PRAMEF11: variants seen among roughly 807,000 people sequenced by gnomAD.
The protein encoded by PRAMEF11 is PRAME family member 11.
A neutral mutation model predicts 33.6 loss-of-function variants in PRAMEF11; 17 were observed. The observed-to-expected ratio is 0.51, with a 90% CI of 0.35 to 0.76. The LOEUF is 0.76. Among genes scored for constraint, PRAMEF11 ranks in the 30% least tolerant of loss-of-function variants. PRAMEF11 has a pLI of 0.01. For synonymous variants in PRAMEF11, 205 were observed against 227.3 expected (o/e 0.90, Z 0.88); for missense variants, 568 against 567.0 (o/e 1.00, Z -0.02).
rs1335349562 is a variant in PRAMEF11 at position 12,826,917 on chromosome 1, C to T, written c.875+332G>A. On this transcript the variant is annotated intron_variant, in intron 3 of 3. Coordinates refer to ENST00000619922, the MANE Select transcript of PRAMEF11 (RefSeq NM_001146344.3). ...CTAGGATTACAGGCATGAGCCAACG[C>T]CCCTGGCCTATTTTTCATCATCTTA... Among the ~76,000 whole-genome samples the T allele has an allele frequency of 4.1e-4, 60 of 146,368 alleles. 1 individual carries two copies. Among genetic ancestry groups the T allele is most frequent in the Middle Eastern group, 3.6e-3 (1 of 274 alleles).
intron 1 of PRAMEF11, among the ~76,000 whole-genome samples, chr1:12,830,592 C>T (rs2100349067): frequency 6.6e-6 from 1 of 151,098 alleles, no homozygotes; most frequent in African/African-American, 2.4e-5. Context: ...GAGCATGGCT[C>T]ACTGCAGCCT....
intron 1 of PRAMEF11, among the ~76,000 whole-genome samples, chr1:12,829,545 T>C (rs1444757076): frequency 6.6e-6 from 1 of 151,238 alleles, no homozygotes; most frequent in African/African-American, 2.4e-5. Context: ...GGACCACAGT[T>C]ATGCATCACC....
Position 12,825,159 on chromosome 1 carries a change from A to C in PRAMEF11, c.1220T>G (p.Leu407Arg), listed in dbSNP as rs1639831041. Residue 407 changes from leucine (L) to arginine (R), a missense_variant, in exon 4 of 4, where the codon CTC becomes CGC. Transcript: ENST00000619922. ...LENLLSHTII[L>R]KNLCLELYPA... ...ATACAGCTCCAGGCATAAGTTTTTG[A>C]GTATGATTGTGTGGCTCAGCAGGTT... The C allele has an allele frequency of 6.2e-7, 1 of 1,608,848 alleles. No individual in the cohort carries two copies. Among genetic ancestry groups the C allele is most frequent in the African/African-American group, 1.3e-5 (1 of 74,754 alleles).
Position 12,827,487 on chromosome 1 carries a change from C to T in PRAMEF11, c.637G>A (p.Glu213Lys), listed in dbSNP as rs770263505. 1.6e-5 allele frequency: 26 copies of T among 1,611,142 alleles called. No individual in the cohort carries two copies. In the South Asian group the frequency reaches 2.9e-4, roughly 18 times the overall value. ...GGCAGTATCCACTTGCAATTCACTTCCACCTCCTGGATACAGTCTAGGTTC... is the reference window on the plus strand; with the variant it reads ...GGCAGTATCCACTTGCAATTCACTTTCACCTCCTGGATACAGTCTAGGTTC... ...MVNLDCIQEV[E>K]VNCKWILPIL... Residue 213 changes from glutamate to lysine, a missense_variant, in exon 3 of 4, where the codon GAA (glutamate) becomes AAA (lysine). Glu to Lys is a moderately conservative substitution (Grantham distance 56, BLOSUM62 1). This residue lies in a region of PRAMEF11 where 342 missense variants were observed against 312.0 expected (regional missense o/e 1.10). Coordinates refer to ENST00000619922, the MANE Select transcript of PRAMEF11 (RefSeq NM_001146344.3).
chr1:12,827,100 A>T, intron 3 of PRAMEF11, 149 bp downstream of exon 3: 1 of 1,499,664 alleles, frequency 6.7e-7, no homozygotes, highest in Non-Finnish European at 9.0e-7. Context: ...CCATTTCAGG[A>T]CAGGGCCGCC....
In PRAMEF11 at chr1:12,824,681, C is replaced by T. The variant is rs1438100898; in HGVS notation, c.*261G>A. On this transcript the variant is annotated 3_prime_UTR_variant, in exon 4 of 4. Transcript: ENST00000619922. ...TGCAAGAGTAACTCCCTCATGTATTCTCAAGCCTGAATTCCACTCTAGACA... is the reference window on the plus strand; with the variant it reads ...TGCAAGAGTAACTCCCTCATGTATTTTCAAGCCTGAATTCCACTCTAGACA... 2 of 505,564 alleles carry T rather than the reference C, an allele frequency of 4.0e-6. No individual in the cohort carries two copies. Among genetic ancestry groups the T allele is most frequent in the East Asian group, 7.6e-5 (2 of 26,382 alleles). 31.3% of individuals were successfully genotyped at this position (505,564 alleles called of 1,614,324 possible). A position where few individuals can be genotyped will look rare whatever the true frequency, so the allele number is the denominator to read the frequency against.
Position 12,827,754 on chromosome 1 carries a change from G to A in PRAMEF11, c.370C>T (p.His124Tyr), listed in dbSNP as rs760295445. ...CTCTTGGCATTGAGGAAGCACCCAT[G>A]GGCCATAGCTTCAGACCAAACCATC... is the stretch of plus-strand genomic sequence containing the variant. The part of the protein sequence containing the change: ...FWMVWSEAMA[H>Y]GCFLNAKRNK... Residue 124 changes from histidine to tyrosine, a missense_variant, in exon 3 of 4, where the codon CAT (histidine) becomes TAT (tyrosine). Coordinates refer to ENST00000619922, the MANE Select transcript of PRAMEF11 (RefSeq NM_001146344.3). 9 of 1,609,458 alleles carry A rather than the reference G, an allele frequency of 5.6e-6. No homozygotes were observed. In the East Asian group the frequency reaches 1.8e-4, roughly 32 times the overall value.
chr1:12,827,955 GT>G, intron 2 of PRAMEF11, 125 bp from the exon 3 acceptor site: 1 of 1,533,152 alleles, frequency 6.5e-7, no homozygotes, highest in East Asian at 2.3e-5. Flanking sequence ...TCTTCACCCT[GT>G]TTTCCCCTTG....
chr1:12,826,764 GA>G (rs1180348333), intron 3 of PRAMEF11, among the ~76,000 whole-genome samples: 1 of 149,090 alleles, frequency 6.7e-6, no homozygotes, highest in Non-Finnish European at 1.5e-5. Context: ...ATCCATCTCA[GA>G]AAAAAAAGTT....
chr1:12,828,849 A>C, intron 1 of PRAMEF11, 44 bp from the exon 2 acceptor site: 1 of 1,603,666 alleles, frequency 6.2e-7, no homozygotes, highest in South Asian at 1.1e-5. Context: ...CTCTCAGGCC[A>C]AGCCCATGCA....
chr1:12,826,212 T>A (rs1181566434), intron 3 of PRAMEF11, among the ~76,000 whole-genome samples: 1 of 151,058 alleles, frequency 6.6e-6, no homozygotes, highest in Non-Finnish European at 1.5e-5. Context: ...CACACCTGTA[T>A]CATCAGCAAA....
In PRAMEF11 at chr1:12,825,129, G is replaced by C. The variant is rs146964579; in HGVS notation, c.1250C>G (p.Ala417Gly). The C allele has an allele frequency of 6.2e-7, 1 of 1,609,318 alleles. No individual in the cohort carries two copies. Among genetic ancestry groups the C allele is most frequent in the African/African-American group, 1.3e-5 (1 of 74,680 alleles). Residue 417 changes from alanine (A) to glycine (G), a missense_variant, in exon 4 of 4, where the codon GCC (alanine) becomes GGC (glycine). Physicochemically the swap from Ala to Gly is moderately conservative, Grantham distance 60. This residue lies in a region of PRAMEF11 where 174 missense variants were observed against 127.2 expected (regional missense o/e 1.37). Coordinates refer to ENST00000619922, the MANE Select transcript of PRAMEF11 (RefSeq NM_001146344.3). ...ATCAGCACCATAACTTTCCTGCGGG[G>C]CAGGATACAGCTCCAGGCATAAGTT... Reference protein sequence around the residue: ...LKNLCLELYPAPQESYGADGT... With the variant: ...LKNLCLELYPGPQESYGADGT...
In PRAMEF11 at chr1:12,828,699, C is replaced by G; in HGVS notation, c.91G>C (p.Glu31Gln). The change falls in exon 2 of 4, where the codon GAG becomes CAG. Residue 31 changes from glutamate to glutamine, a missense_variant. By Grantham distance (29) the Glu-to-Gln change is conservative (BLOSUM62 2). This residue lies in a region of PRAMEF11 where 342 missense variants were observed against 312.0 expected (regional missense o/e 1.10). Transcript: ENST00000619922. ...GGGAAAAGTTCCGTGGGCAGCTCCTCCAGGGTGGAGACGGCCAAGGCTTGG... is the reference window on the plus strand; with the variant it reads ...GGGAAAAGTTCCGTGGGCAGCTCCTGCAGGGTGGAGACGGCCAAGGCTTGG... ...RDQALAVSTL[E>Q]ELPTELFPPL... 1 of 1,610,472 alleles carries G rather than the reference C, an allele frequency of 6.2e-7. No individual in the cohort carries two copies. The highest frequency in any genetic ancestry group is 8.5e-7 in the Non-Finnish European group (1 of 1,178,070).
In PRAMEF11 at chr1:12,828,304, A is replaced by G. The variant is rs200950762; in HGVS notation, c.293+193T>C. On this transcript the variant is annotated intron_variant, in intron 2 of 3. Transcript: ENST00000619922. ...TCATGGTGCCTTTCAGTGCCATTAG[A>G]GGAGAGGTTCCTGTTACCTCTATGG... Among the ~76,000 whole-genome samples, 85 of 147,548 alleles carry G rather than the reference A, an allele frequency of 5.8e-4. 4 individuals are homozygous for G. Among genetic ancestry groups the G allele is most frequent in the East Asian group, 3.1e-3 (15 of 4,910 alleles).
At position 12,831,364 on chromosome 1, in the gene PRAMEF11, G is replaced by C. The variant is rs564562445; in HGVS notation, c.-25C>G. On this transcript the variant is annotated 5_prime_UTR_variant, in exon 1 of 4. The change creates a new upstream start codon in the 5' untranslated region. Coordinates refer to ENST00000619922, the MANE Select transcript of PRAMEF11 (RefSeq NM_001146344.3). ...AGAAATTAGTGACTTACCAGATCTG[G>C]ATGTAGTCTAGAAGGTGCTCAGACC... is the stretch of plus-strand genomic sequence containing the variant. 44 of 151,194 alleles carry C rather than the reference G, an allele frequency of 2.9e-4. 3 individuals are homozygous for C. The highest frequency in any genetic ancestry group is 1.0e-3 in the African/African-American group (43 of 41,308). The allele number at this position is 151,194 out of a possible 1,614,324, so 9.4% of individuals were successfully genotyped here. A position where few individuals can be genotyped will look rare whatever the true frequency, so the allele number is the denominator to read the frequency against.
At chr1:12,828,281 A>G (rs940988058) in intron 2 of PRAMEF11, among the ~76,000 whole-genome samples, 5 of 147,658 alleles carry the variant, frequency 3.4e-5, no homozygotes, top group African/African-American at 1.3e-4. Context: ...CTCACTTTTC[A>G]TGGTGCCTTT....
Position 12,828,746 on chromosome 1 carries a change from G to A in PRAMEF11, c.44C>T (p.Ala15Val), listed in dbSNP as rs553779461. 1.9e-4 allele frequency: 300 copies of A among 1,604,490 alleles called. 12 individuals are homozygous for A. The highest frequency in any genetic ancestry group is 9.0e-4 in the African/African-American group (67 of 74,484). ...TTGGTCCCTCAGCAGGCTCCGCCCC[G>A]CAAGCTCCAGGAGTCTGGGTGGAAT... ...IRIPPRLLEL[A>V]GRSLLRDQAL... Residue 15 changes from alanine (A) to valine (V), a missense_variant, in exon 2 of 4, where the codon GCG (alanine) becomes GTG (valine). Transcript: ENST00000619922.
At position 12,828,602 on chromosome 1, in the gene PRAMEF11, A is replaced by T; in HGVS notation, c.188T>A (p.Phe63Tyr). Residue 63 changes from phenylalanine to tyrosine, a missense_variant, in exon 2 of 4, where the codon TTC (phenylalanine) becomes TAC (tyrosine). Coordinates refer to ENST00000619922, the MANE Select transcript of PRAMEF11 (RefSeq NM_001146344.3). ...CAGAGGCCTCAGAGGGAGGCGGCGG[A>T]AGGGCCAGGCCTGCACCATCAGCTT... ...ALKLMVQAWP[F>Y]RRLPLRPLIK... 1 of 1,605,136 alleles carries T rather than the reference A, an allele frequency of 6.2e-7. No individual in the cohort carries two copies. Among genetic ancestry groups the T allele is most frequent in the African/African-American group, 1.3e-5 (1 of 74,362 alleles).
At chr1:12,830,443 C>A (rs1985685) in intron 1 of PRAMEF11, among the ~76,000 whole-genome samples, 5 of 150,936 alleles carry the variant, frequency 3.3e-5, no homozygotes, top group African/African-American at 1.2e-4. Context: ...ATGCACCCCC[C>A]ACAGCCATGT....
Sources: gnomAD v4.1 joint callset for allele counts (sites outside exome capture counted in the v4.1 genomes callset) on GRCh38, gnomAD v4.1.1 for gene constraint, gnomAD v4.1.1 regional missense constraint, MANE v1.5 for transcripts, NCBI Gene and HGNC (gene_info 2026-07-23, HGNC 2026-07-21) for gene names.